Variants in KALRN observed in about 807,000 individuals in gnomAD.
KALRN encodes kalirin RhoGEF kinase.
A neutral mutation model predicts 353.7 loss-of-function variants in KALRN; 70 were observed. The observed-to-expected ratio is 0.20, with a 90% confidence interval of 0.16 to 0.24. The LOEUF (loss-of-function observed/expected upper bound fraction) is 0.24, where lower values mean the gene tolerates loss of function less well. Among genes scored for constraint, KALRN ranks in the 10% least tolerant of loss-of-function variants. The pLI, the probability that KALRN is intolerant of heterozygous loss-of-function variation, is 1.00. For missense variants in KALRN, 2,791 were observed against 3,756.7 expected (o/e 0.74, Z 6.72); for synonymous variants, 1,391 against 1,434.8 (o/e 0.97, Z 0.69).
At chr3:124,518,482 C>T in intron 33 of KALRN, 1 of 1,613,910 alleles carries the variant, frequency 6.2e-7, no homozygotes, top group East Asian at 2.2e-5. Context: ...TGGGACTTGT[C>T]CCTGCAGCTC....
intron 51 of KALRN, among the ~76,000 whole-genome samples, chr3:124,687,199 GC>G (rs1408131498): frequency 2.6e-5 from 4 of 152,074 alleles, no homozygotes. Context: ...CATAATCAGG[GC>G]CAAATCATTA....
At chr3:124,618,732 T>C (rs1053926850) in intron 34 of KALRN, among the ~76,000 whole-genome samples, 4 of 152,136 alleles carry the variant, frequency 2.6e-5, no homozygotes, top group African/African-American at 9.7e-5. Context: ...ACCTGCCAGA[T>C]ATGGAGCTTG....
chr3:124,135,813 G>A (rs925052412), intron 1 of KALRN, among the ~76,000 whole-genome samples: 1 of 152,154 alleles, frequency 6.6e-6, no homozygotes, highest in Non-Finnish European at 1.5e-5. Flanking sequence ...TCAACTCAGA[G>A]TCAACCAGGG....
In KALRN at chr3:124,438,596, T is replaced by G. The variant is rs2093560761; in HGVS notation, c.3049-292T>G. ...ATAACAATATAATGTGTAAAAACAC[T>G]GAAACTCCAAAGATACTAGACTGTC... On this transcript the variant is annotated intron_variant, in intron 17 of 59. Coordinates refer to ENST00000682506, the MANE Select transcript of KALRN (RefSeq NM_001388419.1). Among the ~76,000 whole-genome samples, 3 of 150,044 alleles carry G rather than the reference T, an allele frequency of 2.0e-5. No individual in the cohort carries two copies. The South Asian group carries it at 6.2e-4, about 31-fold the overall frequency.
chr3:124,602,169 A>G lies in KALRN; in HGVS notation c.5183-30251A>G, dbSNP rs190700338. Among the ~76,000 whole-genome samples the G allele has an allele frequency of 3.3e-3, 496 of 152,310 alleles. 2 individuals carry two copies. The highest frequency in any genetic ancestry group is 7.9e-3 in the Admixed American group (121 of 15,298). On this transcript the variant is annotated intron_variant, in intron 34 of 59. Transcript: ENST00000682506. ...TAAATATACTATTGGTTAGATTTAT[A>G]GTTTGCAGTAGGCTTTTTCCAATAG...
chr3:124,198,046 C>A lies in KALRN; in HGVS notation c.74-29944C>A, dbSNP rs140409862. Among the ~76,000 whole-genome samples the A allele has an allele frequency of 3.3e-5, 5 of 152,256 alleles. No individual in the cohort carries two copies. The East Asian group carries it at 9.7e-4, about 29-fold the overall frequency. ...AAAAACAATACCACATTTATACAGA[C>A]CCAGAGAGACAGACATATAACAATG... is the stretch of plus-strand genomic sequence containing the variant. On this transcript the variant is annotated intron_variant, in intron 1 of 59. Coordinates refer to ENST00000682506, the MANE Select transcript of KALRN (RefSeq NM_001388419.1).
intron 1 of KALRN, among the ~76,000 whole-genome samples, chr3:124,189,300 G>A (rs1481149952): frequency 6.6e-6 from 1 of 152,158 alleles, no homozygotes; most frequent in Non-Finnish European, 1.5e-5. Flanking sequence ...GTATGGAGTG[G>A]AGAGTGTTCT....
intron 14 of KALRN, among the ~76,000 whole-genome samples, chr3:124,419,531 T>C (rs1236534804): frequency 6.6e-6 from 1 of 152,060 alleles, no homozygotes; most frequent in East Asian, 1.9e-4. Flanking sequence ...ATGACCTCAG[T>C]TCTCTGAAGA....
At chr3:124,406,706 A>C (rs1273829956) in intron 13 of KALRN, among the ~76,000 whole-genome samples, 9 of 152,216 alleles carry the variant, frequency 5.9e-5, no homozygotes, top group Non-Finnish European at 1.2e-4. Flanking sequence ...ATTAATGTAT[A>C]TAATCACCTT....
At chr3:124,401,442 T>C (rs1367095497) in intron 13 of KALRN, among the ~76,000 whole-genome samples, 2 of 152,040 alleles carry the variant, frequency 1.3e-5, no homozygotes, top group Non-Finnish European at 2.9e-5. Context: ...GAGGCGGAGG[T>C]TGCAGTGAGC....
At chr3:124,705,204 G>A (rs2062543246) in intron 57 of KALRN, among the ~76,000 whole-genome samples, 1 of 152,164 alleles carries the variant, frequency 6.6e-6, no homozygotes. Context: ...AGGCCTCCAG[G>A]TCAGATGGCA....
chr3:124,418,934 AT>A (rs200281375), intron 14 of KALRN, among the ~76,000 whole-genome samples: 43 of 148,330 alleles, frequency 2.9e-4, no homozygotes, highest in Admixed American at 6.1e-4. Context: ...GGACATGGTG[AT>A]TTTTTTTTTT....
chr3:124,044,154 A>C (rs1038818765), intron 1 of KALRN, among the ~76,000 whole-genome samples: 1 of 152,086 alleles, frequency 6.6e-6, no homozygotes, highest in Non-Finnish European at 1.5e-5. Flanking sequence ...CTTGGACCCA[A>C]ACACTCCTTC....
chr3:124,310,128 A>G (rs1185380794), intron 6 of KALRN, among the ~76,000 whole-genome samples: 1 of 152,192 alleles, frequency 6.6e-6, no homozygotes, highest in Non-Finnish European at 1.5e-5. Context: ...TAAAATAAAT[A>G]ATTTGAAAAT....
At position 124,321,797 on chromosome 3, in the gene KALRN, G is replaced by A. The variant is rs148386189; in HGVS notation, c.1093-4183G>A. Reference sequence around the variant, plus strand: ...GATGGGAGGAAAGGCTTTGGGCGTAGGTAAGATGGGGCAGATAATGCAACG... The same window carrying A: ...GATGGGAGGAAAGGCTTTGGGCGTAAGTAAGATGGGGCAGATAATGCAACG... On this transcript the variant is annotated intron_variant, in intron 6 of 59. Transcript: ENST00000682506. Among the ~76,000 whole-genome samples the A allele has an allele frequency of 3.6e-3, 547 of 152,314 alleles. 4 individuals carry two copies. Among genetic ancestry groups the A allele is most frequent in the African/African-American group, 0.012 (501 of 41,568 alleles).
chr3:124,571,495 G>A (rs2073505407), intron 34 of KALRN, among the ~76,000 whole-genome samples: 1 of 151,976 alleles, frequency 6.6e-6, no homozygotes, highest in African/African-American at 2.4e-5. Flanking sequence ...CTTTTTTCCT[G>A]GTTATTCCCT....
chr3:124,205,390 C>T (rs1276936742), intron 1 of KALRN, among the ~76,000 whole-genome samples: 6 of 152,194 alleles, frequency 3.9e-5, no homozygotes, highest in Admixed American at 3.3e-4. Context: ...AAATGAAAAT[C>T]GCTCTCGCAG....
At chr3:124,452,503 T>C (rs973248476) in intron 21 of KALRN, among the ~76,000 whole-genome samples, 7 of 152,206 alleles carry the variant, frequency 4.6e-5, no homozygotes, top group Admixed American at 3.9e-4. Flanking sequence ...TGGGAAGGCA[T>C]TGCCCACTTG....
At position 124,720,692 on chromosome 3, in the gene KALRN, T is replaced by C. The variant is rs2063338032; in HGVS notation, c.*1222T>C. ...TGCAGCCGCTGATAGTTCTCTGAAC[T>C]AAAAGGACTAATTGTACTTTGAGGC... On this transcript the variant is annotated 3_prime_UTR_variant, in exon 60 of 60. Coordinates refer to ENST00000682506, the MANE Select transcript of KALRN (RefSeq NM_001388419.1). The C allele has an allele frequency of 6.6e-6, 1 of 152,450 alleles. No individual in the cohort carries two copies. Among genetic ancestry groups the C allele is most frequent in the Non-Finnish European group, 1.5e-5 (1 of 68,040 alleles). 9.4% of individuals were successfully genotyped at this position (152,450 alleles called of 1,614,324 possible).
Sources: allele counts gnomAD v4.1 joint callset (sites outside exome capture counted in the v4.1 genomes callset), GRCh38; gene constraint gnomAD v4.1.1; transcripts MANE v1.5; gene names NCBI Gene and HGNC (gene_info 2026-07-23, HGNC 2026-07-21).